Variants in UNC13C observed in about 807,000 individuals in gnomAD.
UNC13C encodes protein unc-13 homolog C.
UNC13C carries 174 observed loss-of-function variants against 245.4 expected under a neutral mutation model. That is an observed-to-expected ratio of 0.71 (90% CI 0.63 to 0.80). UNC13C has a LOEUF of 0.80. Ranked by LOEUF, UNC13C falls within the 30% of genes least tolerant of loss-of-function variation. The pLI is 0.00. For synonymous variants in UNC13C, 992 were observed against 895.1 expected, an observed-to-expected ratio of 1.11 and a Z score of -1.93; for missense variants, 2,829 against 2,602.9, an observed-to-expected ratio of 1.09 and a Z score of -1.89.
At chr15:54,110,961 G>GCTAGATTT (rs1900739907) in intron 2 of UNC13C, among the ~76,000 whole-genome samples, 1 of 152,184 alleles carries the variant, frequency 6.6e-6, no homozygotes, top group Non-Finnish European at 1.5e-5. Flanking sequence ...CAGGGTTACA[G>GCTAGATTT]CTAGATTAAA....
intron 17 of UNC13C, among the ~76,000 whole-genome samples, chr15:54,391,242 A>C (rs929982253): frequency 6.6e-6 from 1 of 152,114 alleles, no homozygotes; most frequent in Non-Finnish European, 1.5e-5. Flanking sequence ...ACGATAATTA[A>C]TGATAGTGTT....
chr15:54,181,651 A>C, intron 4 of UNC13C, among the ~76,000 whole-genome samples: 1 of 151,858 alleles, frequency 6.6e-6, no homozygotes, highest in Non-Finnish European at 1.5e-5. Flanking sequence ...TGACCACTTT[A>C]ATCATATTGA....
At chr15:54,474,794 G>C (rs1892639069) in intron 19 of UNC13C, among the ~76,000 whole-genome samples, 1 of 151,890 alleles carries the variant, frequency 6.6e-6, no homozygotes. Context: ...CAAGAAGCAT[G>C]GTGCCAGTAT....
chr15:54,406,932 C>G (rs991556597), intron 18 of UNC13C, among the ~76,000 whole-genome samples: 1 of 151,908 alleles, frequency 6.6e-6, no homozygotes, highest in Non-Finnish European at 1.5e-5. Flanking sequence ...GGAAAATGAT[C>G]AGAAGATATA....
intron 19 of UNC13C, among the ~76,000 whole-genome samples, chr15:54,477,552 A>C (rs962252925): frequency 2.7e-5 from 3 of 111,878 alleles, no homozygotes; most frequent in Non-Finnish European, 1.9e-5. Flanking sequence ...CCTTTTCTGC[A>C]TCTATTGAGA....
intron 4 of UNC13C, among the ~76,000 whole-genome samples, chr15:54,218,263 A>T (rs1469730773): frequency 6.6e-6 from 1 of 151,996 alleles, no homozygotes; most frequent in Non-Finnish European, 1.5e-5. Flanking sequence ...GAAAACAGAC[A>T]TAATTTTCTC....
chr15:54,065,093 T>G (rs2141086216), intron 2 of UNC13C, among the ~76,000 whole-genome samples: 1 of 152,324 alleles, frequency 6.6e-6, no homozygotes, highest in African/African-American at 2.4e-5. Flanking sequence ...ACTGTCTTTC[T>G]CAGAGGTCTG....
At chr15:53,970,893 C>G in the UNC13C span, among the ~76,000 whole-genome samples, 90 of 152,182 alleles carry the variant, frequency 5.9e-4, no homozygotes, top group African/African-American at 2.0e-3. Context: ...ATTGCTGGAT[C>G]GTATGTTTAT....
chr15:54,279,444 G>T (rs1421532553), intron 10 of UNC13C, among the ~76,000 whole-genome samples: 1 of 152,124 alleles, frequency 6.6e-6, no homozygotes, highest in Non-Finnish European at 1.5e-5. Context: ...GGGATGAGAG[G>T]GATGTTAGTT....
chr15:54,465,962 G>A (rs940468632), intron 19 of UNC13C, among the ~76,000 whole-genome samples: 1 of 152,004 alleles, frequency 6.6e-6, no homozygotes, highest in Non-Finnish European at 1.5e-5. Flanking sequence ...CAGATGAATA[G>A]ATAATGAAAA....
At chr15:54,554,223 T>G (rs984746387) in intron 28 of UNC13C, among the ~76,000 whole-genome samples, 42 of 151,356 alleles carry the variant, frequency 2.8e-4, no homozygotes, top group Admixed American at 1.6e-3. Flanking sequence ...GCTGAAGGAG[T>G]GAGCGAGACA....
chr15:54,144,786 A>G (rs76670628), intron 4 of UNC13C, among the ~76,000 whole-genome samples: 1,544 of 152,322 alleles, frequency 0.01, 22 homozygotes, highest in African/African-American at 0.035. Flanking sequence ...TTTCTAATTC[A>G]TAATTGCAAA....
chr15:54,158,986 C>CT (rs554551188), intron 4 of UNC13C, among the ~76,000 whole-genome samples: 69 of 152,186 alleles, frequency 4.5e-4, no homozygotes, highest in Middle Eastern at 3.4e-3. Flanking sequence ...TGAGACCAGC[C>CT]TTTTTTCTTC....
intron 30 of UNC13C, among the ~76,000 whole-genome samples, chr15:54,611,904 C>T (rs1158571425): frequency 1.3e-5 from 2 of 151,908 alleles, no homozygotes; most frequent in African/African-American, 4.8e-5. Context: ...ATTATGTATC[C>T]ATTTACATGA....
chr15:53,944,575 G>A, the UNC13C span, among the ~76,000 whole-genome samples: 2 of 152,182 alleles, frequency 1.3e-5, no homozygotes, highest in Non-Finnish European at 2.9e-5. Flanking sequence ...CCATGTTCTT[G>A]CAAAGGACAT....
At chr15:54,470,186 C>T (rs538571963) in intron 19 of UNC13C, among the ~76,000 whole-genome samples, 1 of 151,526 alleles carries the variant, frequency 6.6e-6, no homozygotes, top group East Asian at 1.9e-4. Flanking sequence ...GATTTTTGCC[C>T]ATCTATGTTC....
At chr15:53,976,481 T>TTTG (rs1893708302), upstream of UNC13C, among the ~76,000 whole-genome samples, 1 of 124,710 alleles carries the variant, frequency 8.0e-6, no homozygotes, top group Non-Finnish European at 1.7e-5. Flanking sequence ...CTCTCTCTTT[T>TTTG]TTTTTTTTTT....
Position 54,236,430 on chromosome 15 carries a change from G to C in UNC13C, c.3151G>C (p.Ala1051Pro), listed in dbSNP as rs1271101593. The C allele has an allele frequency of 1.3e-6, 2 of 1,591,024 alleles. No individual in the cohort carries two copies. The highest frequency in any genetic ancestry group is 1.3e-5 in the African/African-American group (1 of 74,694). ...KKTLPIVRDV[A>P]MTLAARKSGL... ...TTCCTCTCACTTCTGGAATCTTCAG[G>C]CCATGGTAAGTGCTTTGCTATTTAT... Residue 1051 changes from alanine to proline, a missense_variant and splice_region_variant, in exon 6 of 33, where the codon GCC (alanine) becomes CCC (proline). Ala to Pro is a conservative substitution (Grantham distance 27, BLOSUM62 -1). Coordinates refer to ENST00000260323, the MANE Select transcript of UNC13C (RefSeq NM_001080534.3).
chr15:53,956,518 T>A, the UNC13C span, among the ~76,000 whole-genome samples: 1 of 146,796 alleles, frequency 6.8e-6, no homozygotes, highest in Non-Finnish European at 1.5e-5. Context: ...ATGGGGTTTG[T>A]CTATAAAACA....
Sources: allele counts gnomAD v4.1 joint callset (sites outside exome capture counted in the v4.1 genomes callset), GRCh38; gene constraint gnomAD v4.1.1; transcripts MANE v1.5; gene names NCBI Gene and HGNC (gene_info 2026-07-23, HGNC 2026-07-21).